Variants in EDDM13 observed in about 807,000 individuals in gnomAD.
The protein encoded by EDDM13 is epididymal protein 13.
In EDDM13, 24 loss-of-function variants were observed where a neutral mutation model predicts 17.8. The ratio of observed to expected loss-of-function variants is 1.35; its 90% confidence interval spans 0.98 to 1.90. EDDM13 has a LOEUF of 1.90. Among genes scored for constraint, EDDM13 ranks in the 40% most tolerant of loss-of-function variants. The pLI, the probability that EDDM13 is intolerant of heterozygous loss-of-function variation, is 0.00. For missense variants in EDDM13, 97 were observed against 100.8 expected, an observed-to-expected ratio of 0.96 and a Z score of 0.16; for synonymous variants, 31 against 37.5, an observed-to-expected ratio of 0.83 and a Z score of 0.63.
chr19:56,308,964 T>C (rs1392436210), intron 14 of EDDM13, among the ~76,000 whole-genome samples: 1 of 152,222 alleles, frequency 6.6e-6, no homozygotes, highest in Admixed American at 6.5e-5. Flanking sequence ...GGGCCAAATA[T>C]TACGTGTTGG....
intron 12 of EDDM13, chr19:56,298,334 A>G (rs2040011855): frequency 6.6e-6 from 1 of 152,080 alleles, no homozygotes; most frequent in Non-Finnish European, 1.5e-5. Context: ...CCAAAAACAA[A>G]TGAAATGATA....
At chr19:56,290,577 G>A (rs1480853314) in intron 8 of EDDM13, among the ~76,000 whole-genome samples, 2 of 152,166 alleles carry the variant, frequency 1.3e-5, no homozygotes, top group East Asian at 3.9e-4. Flanking sequence ...TGATTCTTTG[G>A]GTTGGACACG....
rs1384990251 is a variant in EDDM13 at position 56,287,292 on chromosome 19, G to A, written c.155-1093G>A. ...AAATGTGTTGTGGGAAACATTTTAC[G>A]GAAACCTATGACTGAGTTTTGATGG... On this transcript the variant is annotated intron_variant, in intron 6 of 14. Coordinates refer to ENST00000649256, the MANE Select transcript of EDDM13 (RefSeq NM_001354658.2). Among the ~76,000 whole-genome samples, 6 of 152,194 alleles carry A rather than the reference G, an allele frequency of 3.9e-5. No homozygotes were observed. In the East Asian group the frequency reaches 5.8e-4, roughly 15 times the overall value.
At position 56,297,544 on chromosome 19, in the gene EDDM13, G is replaced by A. The variant is rs191311502; in HGVS notation, c.295+13G>A. ...TGCAAGGAGGAAGGTAAGTGCTTGG[G>A]GTCGTACCATTCCTCATCTATAAGA... On this transcript the variant is annotated intron_variant, in intron 12 of 14. Coordinates refer to ENST00000649256, the MANE Select transcript of EDDM13 (RefSeq NM_001354658.2). 122 of 984,104 alleles carry A rather than the reference G, an allele frequency of 1.2e-4. No homozygotes were observed. In the Admixed American group the frequency reaches 2.9e-3, roughly 23 times the overall value. 61.0% of individuals were successfully genotyped at this position (984,104 alleles called of 1,614,324 possible). A position where few individuals can be genotyped will look rare whatever the true frequency, so the allele number is the denominator to read the frequency against.
chr19:56,279,659 C>T (rs138685899), intron 2 of EDDM13, among the ~76,000 whole-genome samples: 42 of 152,200 alleles, frequency 2.8e-4, no homozygotes, highest in Non-Finnish European at 3.2e-4. Flanking sequence ...TATTTAATCC[C>T]CACACCAGAC....
intron 1 of EDDM13, chr19:56,274,467 GAAAAA>G (rs71707996): frequency 7.0e-6 from 1 of 143,526 alleles, no homozygotes; most frequent in Non-Finnish European, 1.5e-5. Context: ...AAGAAAAAAA[GAAAAA>G]AAAAAAAACT....
rs186058113 is a variant in EDDM13 at position 56,301,215 on chromosome 19, G to C, written c.296-753G>C. 1.9e-3 allele frequency among the ~76,000 whole-genome samples: 297 copies of C among 152,342 alleles called. 5 individuals carry two copies. Among genetic ancestry groups the C allele is most frequent in the Admixed American group, 0.017 (257 of 15,300 alleles). Reference sequence around the variant, plus strand: ...TACTCCATAGGCAGAGCAGCAGCAAGGACTGCTGGACTGAGTCTCCTTATA... The same window carrying C: ...TACTCCATAGGCAGAGCAGCAGCAACGACTGCTGGACTGAGTCTCCTTATA... On this transcript the variant is annotated intron_variant, in intron 12 of 14. Transcript: ENST00000649256.
intron 12 of EDDM13, among the ~76,000 whole-genome samples, chr19:56,300,717 T>C (rs2040167821): frequency 6.6e-6 from 1 of 152,250 alleles, no homozygotes; most frequent in African/African-American, 2.4e-5. Context: ...ATTCATTTTT[T>C]TTCGTTTTCG....
chr19:56,306,361 C>G (rs1201427132), intron 14 of EDDM13, among the ~76,000 whole-genome samples: 1 of 113,856 alleles, frequency 8.8e-6, no homozygotes, highest in East Asian at 2.7e-4. Context: ...TACAAAGAGG[C>G]TCCTCCCTGG....
intron 13 of EDDM13, 70 bp from the exon 14 acceptor site, chr19:56,304,722 TA>T: frequency 1.1e-6 from 1 of 896,690 alleles, no homozygotes; most frequent in Non-Finnish European, 1.3e-6. Context: ...GAAAGGGAGG[TA>T]AGGAAGGAAT....
intron 12 of EDDM13, among the ~76,000 whole-genome samples, chr19:56,298,922 A>G (rs1326118372): frequency 6.6e-6 from 1 of 152,246 alleles, no homozygotes; most frequent in Non-Finnish European, 1.5e-5. Flanking sequence ...TCATAAATAT[A>G]GATGGAAAAT....
At chr19:56,307,508 T>C (rs2040768754) in intron 14 of EDDM13, among the ~76,000 whole-genome samples, 1 of 152,230 alleles carries the variant, frequency 6.6e-6, no homozygotes, top group Non-Finnish European at 1.5e-5. Flanking sequence ...ATTTACTTAT[T>C]ATGAAGTGAG....
At chr19:56,273,425 C>T (rs1161161163) in intron 1 of EDDM13, among the ~76,000 whole-genome samples, 2 of 152,180 alleles carry the variant, frequency 1.3e-5, no homozygotes, top group Non-Finnish European at 2.9e-5. Context: ...ATGTTTATTC[C>T]TGGTTCTTTC....
intron 8 of EDDM13, among the ~76,000 whole-genome samples, chr19:56,289,360 GGAGGA>G (rs1189616245): frequency 6.6e-6 from 1 of 152,192 alleles, no homozygotes; most frequent in Non-Finnish European, 1.5e-5. Flanking sequence ...GTGATAGTCT[GGAGGA>G]GAGAAAGGGG....
At chr19:56,309,821 G>C (rs2040921826) in intron 14 of EDDM13, among the ~76,000 whole-genome samples, 1 of 152,180 alleles carries the variant, frequency 6.6e-6, no homozygotes, top group Non-Finnish European at 1.5e-5. Flanking sequence ...CTTCCCACTG[G>C]CTGGTTTCTA....
chr19:56,294,980 G>C (rs933113590), intron 9 of EDDM13: 2 of 152,240 alleles, frequency 1.3e-5, no homozygotes, highest in African/African-American at 2.4e-5. Context: ...GCGGGAGAGG[G>C]GGGTGAGCCC....
rs147694362 is a variant in EDDM13, at chr19:56,302,252, C to T, written c.423+157C>T. Among the ~76,000 whole-genome samples, 132 of 152,038 alleles carry T rather than the reference C, an allele frequency of 8.7e-4. 1 individual carries two copies. The East Asian group carries it at 0.015, about 17-fold the overall frequency. ...TAAAACACTCTCTTCTTCCCACTCT[C>T]CCACCCGCCTCCATCTCTCATTTCA... On this transcript the variant is annotated intron_variant, in intron 13 of 14. Transcript: ENST00000649256.
chr19:56,281,152 T>C (rs2038667254), intron 2 of EDDM13, among the ~76,000 whole-genome samples: 2 of 152,168 alleles, frequency 1.3e-5, no homozygotes, highest in South Asian at 4.1e-4. Context: ...AGAGAAAATA[T>C]GTTTACTCTT....
At chr19:56,290,603 A>G (rs2039446141) in intron 8 of EDDM13, among the ~76,000 whole-genome samples, 1 of 152,180 alleles carries the variant, frequency 6.6e-6, no homozygotes. Context: ...TCATGCCTAT[A>G]ATCCCAGCAC....
Sources: gnomAD v4.1 joint callset for allele counts (sites outside exome capture counted in the v4.1 genomes callset) on GRCh38, gnomAD v4.1.1 for gene constraint, MANE v1.5 for transcripts, NCBI Gene and HGNC (gene_info 2026-07-23, HGNC 2026-07-21) for gene names.